Variants in SH3RF3 observed in about 807,000 individuals in gnomAD.
SH3RF3 encodes E3 ubiquitin-protein ligase SH3RF3.
Under a neutral mutation model 66.3 loss-of-function variants are expected in SH3RF3, and 29 were observed. The ratio of observed to expected loss-of-function variants is 0.44; its 90% CI spans 0.33 to 0.60. The LOEUF is 0.60. SH3RF3 is among the 20% of genes least tolerant of loss of function. The pLI, the probability that SH3RF3 is intolerant of heterozygous loss-of-function variation, is 0.04. For synonymous variants in SH3RF3, 583 were observed against 532.0 expected (o/e 1.10, Z -1.32); for missense variants, 1,194 against 1,190.9 (o/e 1.00, Z -0.04).
chr2:109,220,013 C>G (rs1280951240), intron 1 of SH3RF3, among the ~76,000 whole-genome samples: 1 of 152,190 alleles, frequency 6.6e-6, no homozygotes, highest in Non-Finnish European at 1.5e-5. Flanking sequence ...CTCACACTTC[C>G]TGATTTCAAA....
chr2:109,300,848 A>G (rs1681448743), intron 1 of SH3RF3, among the ~76,000 whole-genome samples: 1 of 152,124 alleles, frequency 6.6e-6, no homozygotes, highest in Non-Finnish European at 1.5e-5. Flanking sequence ...GGCTCCTACT[A>G]AATCAGAACG....
At chr2:109,265,096 T>A (rs12052210) in intron 1 of SH3RF3, among the ~76,000 whole-genome samples, 37,945 of 151,884 alleles carry the variant, frequency 0.25, 5,091 homozygotes, top group East Asian at 0.46. Flanking sequence ...GCTTAGACTT[T>A]GCCCACTTGA....
chr2:109,286,874 G>A lies in SH3RF3; in HGVS notation c.574-60800G>A, dbSNP rs535915098. The stretch of plus-strand genomic sequence containing the variant: ...TTCTCCAACTCTAAATTCGTTGACC[G>A]GTCTGTCCCCAGAGAAAGCAGTCAA... On this transcript the variant is annotated intron_variant, in intron 1 of 9. Coordinates refer to ENST00000309415, the MANE Select transcript of SH3RF3 (RefSeq NM_001099289.3). 3.3e-5 allele frequency among the ~76,000 whole-genome samples: 5 copies of A among 152,230 alleles called. No homozygotes were observed. In the South Asian group the frequency reaches 6.2e-4, roughly 19 times the overall value.
chr2:109,489,296 G>A (rs1384766027), intron 8 of SH3RF3, among the ~76,000 whole-genome samples: 2 of 152,226 alleles, frequency 1.3e-5, no homozygotes, highest in African/African-American at 2.4e-5. Context: ...ACCCTTCACC[G>A]GGCACTAAGC....
chr2:109,395,241 C>T (rs1459032687), intron 3 of SH3RF3, among the ~76,000 whole-genome samples: 1 of 152,196 alleles, frequency 6.6e-6, no homozygotes, highest in Admixed American at 6.5e-5. Context: ...TCCTCAGTCC[C>T]ATGTGTGTAG....
chr2:109,353,687 G>A (rs1038680231), intron 2 of SH3RF3, among the ~76,000 whole-genome samples: 9 of 151,764 alleles, frequency 5.9e-5, no homozygotes, highest in African/African-American at 1.9e-4. Context: ...ACCCTAGACT[G>A]CGTGCCCAAT....
chr2:109,385,867 T>A, intron 3 of SH3RF3, among the ~76,000 whole-genome samples: 1 of 151,344 alleles, frequency 6.6e-6, no homozygotes, highest in East Asian at 1.9e-4. Flanking sequence ...CCTTTTGTAT[T>A]TAAAAAGAGA....
chr2:109,450,787 G>A (rs544458347), intron 8 of SH3RF3, among the ~76,000 whole-genome samples: 1 of 152,358 alleles, frequency 6.6e-6, no homozygotes, highest in South Asian at 2.1e-4. Context: ...TGGGCAAGGA[G>A]CCACTCTGTG....
At chr2:109,386,088 G>A (rs955677606) in intron 3 of SH3RF3, among the ~76,000 whole-genome samples, 2 of 152,218 alleles carry the variant, frequency 1.3e-5, no homozygotes, top group South Asian at 2.1e-4. Context: ...TCAAAAGAAT[G>A]TAGATTGGAT....
intron 1 of SH3RF3, among the ~76,000 whole-genome samples, chr2:109,261,882 T>C (rs937905582): frequency 4.6e-5 from 7 of 152,034 alleles, no homozygotes; most frequent in Non-Finnish European, 8.8e-5. Context: ...TTAATTGGGC[T>C]CTCTGCTGAT....
intron 8 of SH3RF3, among the ~76,000 whole-genome samples, chr2:109,477,372 T>G (rs565602699): frequency 3.3e-5 from 5 of 152,258 alleles, no homozygotes; most frequent in African/African-American, 1.2e-4. Flanking sequence ...ACCACAATCA[T>G]TCATTCCCCA....
chr2:109,161,992 G>T (rs1182770062), intron 1 of SH3RF3, among the ~76,000 whole-genome samples: 1 of 152,106 alleles, frequency 6.6e-6, no homozygotes, highest in African/African-American at 2.4e-5. Flanking sequence ...AAGCGTAGAT[G>T]GTGTCAGAAA....
intron 2 of SH3RF3, among the ~76,000 whole-genome samples, chr2:109,368,626 T>A (rs1370437307): frequency 6.6e-6 from 1 of 151,684 alleles, no homozygotes; most frequent in Non-Finnish European, 1.5e-5. Flanking sequence ...ATATTTATAC[T>A]TCTTGTCTTA....
At chr2:109,367,520 G>A (rs528233426) in intron 2 of SH3RF3, among the ~76,000 whole-genome samples, 1 of 152,174 alleles carries the variant, frequency 6.6e-6, no homozygotes, top group South Asian at 2.1e-4. Context: ...GACCTCAGGT[G>A]ATCCACCGAC....
intron 1 of SH3RF3, among the ~76,000 whole-genome samples, chr2:109,201,933 A>G (rs1678685403): frequency 6.6e-6 from 1 of 152,236 alleles, no homozygotes; most frequent in African/African-American, 2.4e-5. Context: ...CCGTGGCATC[A>G]TAAAAAAACT....
At chr2:109,373,628 C>T (rs978769561) in intron 3 of SH3RF3, among the ~76,000 whole-genome samples, 1 of 152,048 alleles carries the variant, frequency 6.6e-6, no homozygotes, top group African/African-American at 2.4e-5. Flanking sequence ...GAAGTCAGAG[C>T]AGTAGTGACC....
intron 1 of SH3RF3, among the ~76,000 whole-genome samples, chr2:109,155,897 T>C (rs4676248): frequency 0.71 from 108,291 of 152,204 alleles, 39,657 homozygotes; most frequent in African/African-American, 0.77. Flanking sequence ...GATGGTCATA[T>C]GTATTGTAAC....
chr2:109,391,416 G>A (rs1036079226), intron 3 of SH3RF3, among the ~76,000 whole-genome samples: 1 of 152,210 alleles, frequency 6.6e-6, no homozygotes, highest in African/African-American at 2.4e-5. Flanking sequence ...GGCTCGGGGA[G>A]GGGTGCGGGT....
At chr2:109,461,015 A>G (rs1678195936) in intron 8 of SH3RF3, among the ~76,000 whole-genome samples, 1 of 152,168 alleles carries the variant, frequency 6.6e-6, no homozygotes, top group Non-Finnish European at 1.5e-5. Flanking sequence ...GTGTGATCCT[A>G]TGGAACTGCC....
Sources: gnomAD v4.1 joint callset for allele counts (sites outside exome capture counted in the v4.1 genomes callset) on GRCh38, gnomAD v4.1.1 for gene constraint, MANE v1.5 for transcripts, NCBI Gene and HGNC (gene_info 2026-07-23, HGNC 2026-07-21) for gene names.